Variants in USP50 observed in about 807,000 individuals in gnomAD.
The protein encoded by USP50 is ubiquitin carboxyl-terminal hydrolase 50.
USP50 carries 37 observed loss-of-function variants against 39.2 expected under a neutral mutation model. The ratio of observed to expected loss-of-function variants is 0.94; its 90% CI spans 0.73 to 1.24. USP50 has a LOEUF of 1.24. USP50 is among the 50% of genes most tolerant of loss of function. The probability of loss-of-function intolerance (pLI) is 0.00; values close to 1 mark genes in which losing one functional copy is unlikely to be tolerated. For missense variants in USP50, 374 were observed against 398.2 expected, an observed-to-expected ratio of 0.94 and a Z score of 0.52; for synonymous variants, 139 against 144.5, an observed-to-expected ratio of 0.96 and a Z score of 0.27.
downstream of USP50, chr15:50,498,911 C>T (rs200789993): frequency 4.2e-5 from 67 of 1,605,892 alleles, no homozygotes; most frequent in Middle Eastern, 1.7e-4. Flanking sequence ...AGAATCACTA[C>T]GGTGGGCTGG....
rs976080656 is a variant in USP50, at chr15:50,500,752, G to C, written c.*17C>G. The C allele has an allele frequency of 1.8e-5, 29 of 1,577,648 alleles. No individual in the cohort carries two copies. In the African/African-American group the frequency reaches 2.6e-4, roughly 14 times the overall value. On this transcript the variant is annotated 3_prime_UTR_variant, in exon 7 of 7. Transcript: ENST00000532404. ...AGTATCTGGAATCTCACTGACTCGT[G>C]TGTTATCAAAGCTATATCAGGCCTG... is the stretch of plus-strand genomic sequence containing the variant.
intron 4 of USP50, 124 bp downstream of exon 4, chr15:50,540,925 A>G (rs1396944262): frequency 5.5e-6 from 4 of 730,212 alleles, no homozygotes; most frequent in East Asian, 5.7e-5. Context: ...CACTCAGTCT[A>G]TTTTTTTTTA....
downstream of USP50, chr15:50,497,030 C>G: frequency 6.5e-7 from 1 of 1,548,606 alleles, no homozygotes; most frequent in East Asian, 2.3e-5. Context: ...AATAGGTGCT[C>G]TCTGACATTA....
At position 50,529,790 on chromosome 15, in the gene USP50, T is replaced by C; in HGVS notation, c.936+7A>G. ...TGGATTACTTTTAACAGTTTGTTTT[T>C]ACTCACCACCACTGCACAGAGGTTG... On this transcript the variant is annotated splice_region_variant and intron_variant, in intron 6 of 6. Coordinates refer to ENST00000532404, the MANE Select transcript of USP50 (RefSeq NM_203494.5). The C allele has an allele frequency of 6.2e-7, 1 of 1,608,718 alleles. No homozygotes were observed. Among genetic ancestry groups the C allele is most frequent in the Non-Finnish European group, 8.5e-7 (1 of 1,178,600 alleles).
chr15:50,541,393 G>A, intron 3 of USP50, 129 bp from the exon 4 acceptor site: 2 of 705,928 alleles, frequency 2.8e-6, no homozygotes, highest in South Asian at 3.8e-5. Flanking sequence ...CACATCTGTG[G>A]TGCCAGCTAC....
At chr15:50,532,760 C>T (rs532458100) in intron 5 of USP50, among the ~76,000 whole-genome samples, 34 of 151,768 alleles carry the variant, frequency 2.2e-4, no homozygotes, top group South Asian at 2.1e-3. Flanking sequence ...CAAGAACAGA[C>T]GGTCAATGTA....
At chr15:50,515,423 G>A (rs1596009311) in intron 6 of USP50, among the ~76,000 whole-genome samples, 3 of 151,962 alleles carry the variant, frequency 2.0e-5, no homozygotes, top group Admixed American at 1.3e-4. Context: ...TGTATTTTTG[G>A]TAGAGACGGG....
intron 6 of USP50, chr15:50,510,216 T>C (rs1251169982): frequency 6.6e-6 from 1 of 152,112 alleles, no homozygotes; most frequent in Non-Finnish European, 1.5e-5. Flanking sequence ...AAAAATGAAA[T>C]TGAATCCCTA....
At chr15:50,516,490 G>A (rs1191254477) in intron 6 of USP50, among the ~76,000 whole-genome samples, 8 of 151,984 alleles carry the variant, frequency 5.3e-5, no homozygotes, top group Admixed American at 1.3e-4. Context: ...GGTGGCGGGC[G>A]CCTGTAATCC....
rs996979635 is a variant in USP50 at position 50,529,669 on chromosome 15, T to C, written c.936+128A>G. 33 of 1,014,586 alleles carry C rather than the reference T, an allele frequency of 3.3e-5. No individual in the cohort carries two copies. The Admixed American group carries it at 4.5e-4, about 14-fold the overall frequency. 62.8% of individuals were successfully genotyped at this position (1,014,586 alleles called of 1,614,324 possible). A position where few individuals can be genotyped will look rare whatever the true frequency, so the allele number is the denominator to read the frequency against. On this transcript the variant is annotated intron_variant, in intron 6 of 6. Transcript: ENST00000532404. ...TACTTGTCTAGGTCAAAGTGGAGAG[T>C]TTCCTGGTCTATATTTTTTAAAAGT...
chr15:50,519,463 C>T (rs1388339965), intron 6 of USP50, among the ~76,000 whole-genome samples: 1 of 151,944 alleles, frequency 6.6e-6, no homozygotes, highest in African/African-American at 2.4e-5. Context: ...GCCTGTAATC[C>T]CAGCACTTTG....
intron 6 of USP50, among the ~76,000 whole-genome samples, chr15:50,518,962 C>G (rs2052825527): frequency 6.6e-6 from 1 of 152,174 alleles, no homozygotes; most frequent in Admixed American, 6.6e-5. Flanking sequence ...AACAACTCAA[C>G]AACAACAAAA....
intron 6 of USP50, among the ~76,000 whole-genome samples, chr15:50,525,668 A>ATGTATATG: frequency 1.4e-5 from 2 of 138,722 alleles, no homozygotes; most frequent in Middle Eastern, 3.7e-3. Flanking sequence ...ATATATGTAT[A>ATGTATATG]TGTATATATG....
chr15:50,538,080 C>T (rs906988075), intron 5 of USP50, among the ~76,000 whole-genome samples: 3 of 151,076 alleles, frequency 2.0e-5, no homozygotes, highest in African/African-American at 4.9e-5. Context: ...ATCAGACCAT[C>T]GTGGCCAACA....
chr15:50,496,196 C>G, downstream of USP50: 1 of 901,430 alleles, frequency 1.1e-6, no homozygotes, highest in Non-Finnish European at 1.7e-6. Flanking sequence ...ATCAGTAAAA[C>G]TCGGCCGGGC....
At chr15:50,522,968 A>C (rs2052861647) in intron 6 of USP50, among the ~76,000 whole-genome samples, 1 of 151,936 alleles carries the variant, frequency 6.6e-6, no homozygotes, top group Non-Finnish European at 1.5e-5. Flanking sequence ...TCTTTTCAGC[A>C]TAGTACTGGA....
At chr15:50,499,058 G>A, downstream of USP50, 1 of 1,611,232 alleles carries the variant, frequency 6.2e-7, no homozygotes, top group Non-Finnish European at 8.5e-7. Context: ...ATACTTCATT[G>A]GGACCACGAG....
chr15:50,494,988 C>T (rs964426096), intron 1 of USP50, among the ~76,000 whole-genome samples: 22 of 150,064 alleles, frequency 1.5e-4, no homozygotes, highest in Admixed American at 4.7e-4. Flanking sequence ...CACTGCACTC[C>T]AGCCTGGGCG....
At chr15:50,532,406 C>A (rs2052948076) in intron 5 of USP50, among the ~76,000 whole-genome samples, 1 of 152,090 alleles carries the variant, frequency 6.6e-6, no homozygotes, top group African/African-American at 2.4e-5. Context: ...TCCTGTTCCA[C>A]CGAAGCGGGT....
Sources: gnomAD v4.1 joint callset for allele counts (sites outside exome capture counted in the v4.1 genomes callset) on GRCh38, gnomAD v4.1.1 for gene constraint, MANE v1.5 for transcripts, NCBI Gene and HGNC (gene_info 2026-07-23, HGNC 2026-07-21) for gene names.